GOLGA1: variants seen among roughly 807,000 people sequenced by gnomAD.
GOLGA1 encodes the protein golgin A1.
In GOLGA1, 63 loss-of-function variants were observed where a neutral mutation model predicts 119.7. The ratio of observed to expected loss-of-function variants is 0.53; its 90% CI spans 0.43 to 0.65. The LOEUF is 0.65. Among genes scored for constraint, GOLGA1 ranks in the 30% least tolerant of loss-of-function variants. The pLI is 0.00. For synonymous variants in GOLGA1, 318 were observed against 333.4 expected (o/e 0.95, Z 0.50); for missense variants, 798 against 912.8 (o/e 0.87, Z 1.62).
intron 3 of GOLGA1, among the ~76,000 whole-genome samples, chr9:124,937,462 A>T (rs1191416486): frequency 6.6e-6 from 1 of 151,800 alleles, no homozygotes; most frequent in Non-Finnish European, 1.5e-5. Flanking sequence ...CAAAAACAAT[A>T]AACTAAAAAC....
Position 124,890,419 on chromosome 9 carries a change from C to T in GOLGA1, c.1467G>A (p.Val489=). ...GCTGGAACTCTTCCCTTTGCTTCCG[C>T]ACCTCCTCCAGGGCTTGAGCCATGG... ...SVAMAQALEE[V]RKQREEFQQQ... Residue 489 remains valine (V), a synonymous_variant, in exon 16 of 23, where the codon GTG becomes GTA. Transcript: ENST00000373555. 6.2e-7 allele frequency: 1 copy of T among 1,613,734 alleles called. No homozygotes were observed. Among genetic ancestry groups the T allele is most frequent in the Non-Finnish European group, 8.5e-7 (1 of 1,179,600 alleles).
intron 15 of GOLGA1, among the ~76,000 whole-genome samples, chr9:124,896,065 C>G: frequency 6.6e-6 from 1 of 152,252 alleles, no homozygotes; most frequent in Non-Finnish European, 1.5e-5. Flanking sequence ...GTTATACAAA[C>G]CAAACCTAGG....
At chr9:124,898,192 A>G (rs543435243) in intron 15 of GOLGA1, among the ~76,000 whole-genome samples, 1 of 152,320 alleles carries the variant, frequency 6.6e-6, no homozygotes, top group African/African-American at 2.4e-5. Context: ...CAGCAAGAGC[A>G]GTGTTTTGAC....
rs560013755 is a variant in GOLGA1, at chr9:124,937,267, C to G, written c.135+1310G>C. Among the ~76,000 whole-genome samples, 4 of 152,186 alleles carry G rather than the reference C, an allele frequency of 2.6e-5. No individual in the cohort carries two copies. The East Asian group carries it at 5.8e-4, about 22-fold the overall frequency. On this transcript the variant is annotated intron_variant, in intron 3 of 22. Coordinates refer to ENST00000373555, the MANE Select transcript of GOLGA1 (RefSeq NM_002077.4). ...AGGAGTTCCAGACCAGCCTGGCCAA[C>G]ACAGTGAAACTCTGTCTCTACTAAA... is the stretch of plus-strand genomic sequence containing the variant.
At chr9:124,906,526 G>C (rs555477104) in intron 12 of GOLGA1, among the ~76,000 whole-genome samples, 2 of 152,248 alleles carry the variant, frequency 1.3e-5, no homozygotes, top group Admixed American at 1.3e-4. Flanking sequence ...AAGGCAGGCG[G>C]ATCATCTGAG....
intron 19 of GOLGA1, among the ~76,000 whole-genome samples, chr9:124,883,467 GAC>G (rs1183533719): frequency 2.6e-5 from 4 of 151,736 alleles, no homozygotes; most frequent in Non-Finnish European, 4.4e-5. Flanking sequence ...ATTTTTTTCA[GAC>G]AGAGTCTTGC....
chr9:124,943,495 T>C (rs758170651), upstream of GOLGA1: 2 of 152,222 alleles, frequency 1.3e-5, no homozygotes, highest in African/African-American at 2.4e-5. Flanking sequence ...ATGAAAAATA[T>C]TGTGCTTCAG....
upstream of GOLGA1, among the ~76,000 whole-genome samples, chr9:124,941,419 G>A (rs953379211): frequency 1.3e-5 from 2 of 152,246 alleles, no homozygotes; most frequent in Non-Finnish European, 1.5e-5. Context: ...CCGCTGTGCT[G>A]TGCTGGCTAC....
intron 7 of GOLGA1, 151 bp from the exon 8 acceptor site, chr9:124,923,374 C>T (rs1186882327): frequency 3.3e-6 from 2 of 608,542 alleles, no homozygotes; most frequent in African/African-American, 1.9e-5. Context: ...TGGGCTCATG[C>T]AATCCTCCCG....
intron 10 of GOLGA1, 66 bp downstream of exon 10, chr9:124,921,063 A>T: frequency 5.0e-6 from 5 of 998,484 alleles, no homozygotes; most frequent in Non-Finnish European, 8.0e-6. Context: ...CTCAGGCAGA[A>T]ATTTCTGAAA....
chr9:124,892,338 T>C (rs10121557), intron 15 of GOLGA1, among the ~76,000 whole-genome samples: 81,751 of 152,086 alleles, frequency 0.54, 22,693 homozygotes, highest in Non-Finnish European at 0.58. Flanking sequence ...TTCTGACTTT[T>C]TGAGATGCAT....
At chr9:124,919,095 T>C (rs976367650) in intron 10 of GOLGA1, among the ~76,000 whole-genome samples, 7 of 151,104 alleles carry the variant, frequency 4.6e-5, no homozygotes, top group African/African-American at 1.7e-4. Context: ...CAGATAATAA[T>C]AATAAAAAAA....
chr9:124,899,449 C>T lies in GOLGA1; in HGVS notation c.1191G>A (p.Val397=), dbSNP rs1336189870. Residue 397 remains valine (V), a synonymous_variant, in exon 14 of 23, where the codon GTG becomes GTA. Transcript: ENST00000373555. ...GCTCCAGAGCAAGGGCCTGCTGCTG[C>T]ACATGGCTGCTCTCCTGGTTGGCGG... The part of the protein sequence containing the change: ...LAAANQESSH[V]QQQALALEQQ... The T allele has an allele frequency of 6.5e-7, 1 of 1,547,662 alleles. No homozygotes were observed. Among genetic ancestry groups the T allele is most frequent in the Non-Finnish European group, 8.7e-7 (1 of 1,148,806 alleles).
intron 19 of GOLGA1, 57 bp from the exon 20 acceptor site, chr9:124,882,626 G>T: frequency 7.1e-7 from 1 of 1,412,760 alleles, no homozygotes; most frequent in Non-Finnish European, 1.0e-6. Flanking sequence ...TTCACCAAAG[G>T]AAACAGACCC....
Position 124,881,887 on chromosome 9 carries a change from G to A in GOLGA1, c.2033C>T (p.Ala678Val), listed in dbSNP as rs556471997. 91 of 1,610,842 alleles carry A rather than the reference G, an allele frequency of 5.6e-5. No individual in the cohort carries two copies. In the Admixed American group the frequency reaches 5.9e-4, roughly 10 times the overall value. The part of the protein sequence containing the change: ...EKPGPEMANM[A>V]PSVTNNTDLT... Reference sequence around the variant, plus strand: ...GTCAGTGTTATTCGTGACGGAAGGCGCCATGTTTGCCATCTCAGGTCCAGG... The same window carrying A: ...GTCAGTGTTATTCGTGACGGAAGGCACCATGTTTGCCATCTCAGGTCCAGG... Residue 678 changes from alanine (A) to valine (V), a missense_variant, in exon 21 of 23, where the codon GCG becomes GTG. Transcript: ENST00000373555. This position sits in a 1 kb window ranked among gnomAD's most constrained non-coding sequence, Gnocchi z 4.9.
In GOLGA1 at chr9:124,919,667, A is replaced by C. The variant is rs997978679; in HGVS notation, c.843+1462T>G. ...TATTGACAAAATCTTACTGTACTGT[A>C]ATTATGTTGTAAGGCTCTGTCTCAC... On this transcript the variant is annotated intron_variant, in intron 10 of 22. Transcript: ENST00000373555. 2.6e-5 allele frequency among the ~76,000 whole-genome samples: 4 copies of C among 152,170 alleles called. No homozygotes were observed. In the East Asian group the frequency reaches 7.7e-4, roughly 29 times the overall value.
In GOLGA1 at chr9:124,888,252, C is replaced by A. The variant is rs1264657179; in HGVS notation, c.1905+1G>T. 6.2e-7 allele frequency: 1 copy of A among 1,613,910 alleles called. No individual in the cohort carries two copies. Among genetic ancestry groups the A allele is most frequent in the African/African-American group, 1.3e-5 (1 of 74,918 alleles). The stretch of plus-strand genomic sequence containing the variant: ...AACAGCCATGCAAAAGGCATCCTCA[C>A]CTTATTTTTCTCCAGAAGTTGCTGC... On this transcript the variant is annotated splice_donor_variant, in intron 19 of 22. Transcript: ENST00000373555. LOFTEE classifies it high-confidence loss of function. The surrounding 1 kb of genome is among the most constrained non-coding windows in gnomAD (Gnocchi z 4.4).
intron 22 of GOLGA1, among the ~76,000 whole-genome samples, chr9:124,880,897 C>T (rs686138): frequency 0.98 from 149,199 of 152,334 alleles, 73,140 homozygotes; most frequent in East Asian, 1. Flanking sequence ...ATTTGAGTGC[C>T]GAGCCAGACC....
In GOLGA1 at chr9:124,881,874, C is replaced by T. The variant is rs778945030; in HGVS notation, c.2046G>A (p.Thr682=). Residue 682 remains threonine (T), a synonymous_variant, in exon 21 of 23, where the codon ACG becomes ACA. Coordinates refer to ENST00000373555, the MANE Select transcript of GOLGA1 (RefSeq NM_002077.4). The surrounding 1 kb of genome is among the most constrained non-coding windows in gnomAD (Gnocchi z 4.9). The stretch of plus-strand genomic sequence containing the variant: ...GGGCATCTGTCAGGTCAGTGTTATT[C>T]GTGACGGAAGGCGCCATGTTTGCCA... ...PEMANMAPSV[T]NNTDLTDARE... is the part of the protein sequence containing the mutation. 5 of 1,612,642 alleles carry T rather than the reference C, an allele frequency of 3.1e-6. No individual in the cohort carries two copies. Among genetic ancestry groups the T allele is most frequent in the East Asian group, 4.5e-5 (2 of 44,854 alleles).
Sources: allele counts gnomAD v4.1 joint callset (sites outside exome capture counted in the v4.1 genomes callset), GRCh38; gene constraint gnomAD v4.1.1; non-coding constraint Gnocchi (gnomAD v3.1); transcripts MANE v1.5; gene names NCBI Gene and HGNC (gene_info 2026-07-23, HGNC 2026-07-21).